SNRPE: variants seen among roughly 807,000 people sequenced by gnomAD.
The protein encoded by SNRPE is small nuclear ribonucleoprotein polypeptide E.
For synonymous variants in SNRPE, 35 were observed against 36.7 expected, an observed-to-expected ratio of 0.95 and a Z score of 0.17; for missense variants, 53 against 111.6, an observed-to-expected ratio of 0.48 and a Z score of 2.36.
In SNRPE at chr1:203,869,289, C is replaced by CTT. The variant is rs564988259; in HGVS notation, c.224-555_224-554dup. The stretch of plus-strand genomic sequence containing the variant: ...AGGTTTGTTTATTGTAGGATGGAGT[C>CTT]TTTTTTTTTTTTTTTTTTTTTTTTT... On this transcript the variant is annotated intron_variant, in intron 4 of 4. Transcript: ENST00000414487. 1.0e-3 allele frequency among the ~76,000 whole-genome samples: 67 copies of CTT among 66,812 alleles called. 2 individuals carry two copies. The highest frequency in any genetic ancestry group is 2.9e-3 in the African/African-American group (49 of 16,632). The allele number at this position is 66,812 out of a possible 152,430, so 43.8% of individuals were successfully genotyped here.
chr1:203,862,308 G>C, intron 2 of SNRPE, 86 bp downstream of exon 2: 2 of 937,104 alleles, frequency 2.1e-6, no homozygotes, highest in Non-Finnish European at 3.5e-6. Context: ...CGATCGCTGT[G>C]TTCTAGAATT....
intron 3 of SNRPE, among the ~76,000 whole-genome samples, chr1:203,864,525 T>C (rs1422644521): frequency 1.3e-5 from 2 of 151,712 alleles, no homozygotes; most frequent in Non-Finnish European, 2.9e-5. Flanking sequence ...AAGTGATTTT[T>C]CCACCTCAGC....
At chr1:203,863,433 TCAGCGTCCCGAGTAGCTGGGACTA>T (rs1239856655) in intron 2 of SNRPE, among the ~76,000 whole-genome samples, 1 of 152,120 alleles carries the variant, frequency 6.6e-6, no homozygotes, top group East Asian at 1.9e-4. Flanking sequence ...TTCTCCTGCT[TCAGCGTCCCGAGTAGCTGGGACTA>T]CAGGCGTGCG....
chr1:203,861,933 A>G (rs1490928056), intron 1 of SNRPE: 4 of 613,862 alleles, frequency 6.5e-6, no homozygotes, highest in East Asian at 2.7e-5. Context: ...TGGACGCGGC[A>G]AAAGGAGGGA....
rs375657691 is a variant in SNRPE at position 203,861,652 on chromosome 1, A to G, written c.-8A>G. Reference sequence around the variant, plus strand: ...AGCGTGCGGGTGTGCTCTTTGTGAAATTCCACCATGGCGTACCGTGGCCAG... The same window carrying G: ...AGCGTGCGGGTGTGCTCTTTGTGAAGTTCCACCATGGCGTACCGTGGCCAG... On this transcript the variant is annotated 5_prime_UTR_variant, in exon 1 of 5. Coordinates refer to ENST00000414487, the MANE Select transcript of SNRPE (RefSeq NM_003094.4). The G allele has an allele frequency of 1.9e-6, 3 of 1,611,866 alleles. No homozygotes were observed. The highest frequency in any genetic ancestry group is 2.7e-5 in the African/African-American group (2 of 74,860).
Position 203,869,289 on chromosome 1 carries a change from C to CTTTTTTTTTTTTTTT in SNRPE, c.224-568_224-554dup, listed in dbSNP as rs564988259. Among the ~76,000 whole-genome samples, 9 of 66,792 alleles carry CTTTTTTTTTTTTTTT rather than the reference C, an allele frequency of 1.3e-4. 1 individual carries two copies. Among genetic ancestry groups the CTTTTTTTTTTTTTTT allele is most frequent in the Admixed American group, 2.3e-4 (1 of 4,430 alleles). The allele number at this position is 66,792 out of a possible 152,430, so 43.8% of individuals were successfully genotyped here. On this transcript the variant is annotated intron_variant, in intron 4 of 4. Transcript: ENST00000414487. ...AGGTTTGTTTATTGTAGGATGGAGT[C>CTTTTTTTTTTTTTTT]TTTTTTTTTTTTTTTTTTTTTTTTT...
chr1:203,863,818 A>G (rs940469645), intron 3 of SNRPE, 93 bp downstream of exon 3: 1 of 868,414 alleles, frequency 1.2e-6, no homozygotes, highest in Non-Finnish European at 1.9e-6. Context: ...TAAAAAGTCA[A>G]AGATCCAACC....
intron 4 of SNRPE, among the ~76,000 whole-genome samples, chr1:203,869,416 C>T (rs974850610): frequency 1.3e-5 from 2 of 150,026 alleles, no homozygotes; most frequent in African/African-American, 2.4e-5. Flanking sequence ...AAGCAATTCT[C>T]CTGCCTCAGC....
chr1:203,861,811 C>T, intron 1 of SNRPE, 98 bp downstream of exon 1: 3 of 923,626 alleles, frequency 3.2e-6, no homozygotes, highest in East Asian at 4.8e-5. Flanking sequence ...GAGTACGGAT[C>T]CACATCCCAT....
chr1:203,864,208 CCT>C (rs1478945539), intron 3 of SNRPE, among the ~76,000 whole-genome samples: 2 of 152,114 alleles, frequency 1.3e-5, no homozygotes, highest in African/African-American at 4.8e-5. Context: ...CCCACCTCAG[CCT>C]CTCAAAGTCT....
intron 2 of SNRPE, 77 bp downstream of exon 2, chr1:203,862,299 G>T: frequency 6.0e-6 from 6 of 1,000,734 alleles, no homozygotes; most frequent in African/African-American, 1.6e-5. Context: ...TAACCTGAGC[G>T]ATCGCTGTGT....
At chr1:203,864,100 G>A (rs1283352115) in intron 3 of SNRPE, among the ~76,000 whole-genome samples, 1 of 151,906 alleles carries the variant, frequency 6.6e-6, no homozygotes, top group Non-Finnish European at 1.5e-5. Context: ...GATCAGAAGC[G>A]TGCACCATCA....
At position 203,870,639 on chromosome 1, in the gene SNRPE, G is replaced by T. The variant is rs1690196088; in HGVS notation, c.*707G>T. On this transcript the variant is annotated 3_prime_UTR_variant, in exon 5 of 5. Coordinates refer to ENST00000414487, the MANE Select transcript of SNRPE (RefSeq NM_003094.4). ...AATGGTATGTTGGAGAAATACACCT[G>T]TCTCTTATTCTTATCTCTTAAGAAT... 6.6e-6 allele frequency: 1 copy of T among 152,180 alleles called. No individual in the cohort carries two copies. The highest frequency in any genetic ancestry group is 2.4e-5 in the African/African-American group (1 of 41,454). The allele number at this position is 152,180 out of a possible 1,614,324, so 9.4% of individuals were successfully genotyped here. A position where few individuals can be genotyped will look rare whatever the true frequency, so the allele number is the denominator to read the frequency against.
rs1690022470 is a variant in SNRPE, at chr1:203,863,603, G to A, written c.82-60G>A. 8 of 1,228,508 alleles carry A rather than the reference G, an allele frequency of 6.5e-6. No homozygotes were observed. The Admixed American group carries it at 1.4e-4, about 21-fold the overall frequency. 76.1% of individuals were successfully genotyped at this position (1,228,508 alleles called of 1,614,324 possible). A position where few individuals can be genotyped will look rare whatever the true frequency, so the allele number is the denominator to read the frequency against. On this transcript the variant is annotated intron_variant, in intron 2 of 4. Transcript: ENST00000414487. ...GAAAGTGCTGGGATTACAGGCGTGAGCCACCGCGCCCGGCCCTATTTTTCT... is the reference window on the plus strand; with the variant it reads ...GAAAGTGCTGGGATTACAGGCGTGAACCACCGCGCCCGGCCCTATTTTTCT...
At chr1:203,867,739 T>G (rs934372078) in intron 4 of SNRPE, among the ~76,000 whole-genome samples, 1 of 152,148 alleles carries the variant, frequency 6.6e-6, no homozygotes, top group South Asian at 2.1e-4. Context: ...CGCCCACTGC[T>G]CACCTCTTGC....
chr1:203,865,587 A>G (rs6421775), intron 4 of SNRPE, among the ~76,000 whole-genome samples: 115,118 of 151,976 alleles, frequency 0.76, 43,713 homozygotes, highest in East Asian at 0.8. Flanking sequence ...ACATCAGCTC[A>G]GAGTCGTCAA....
At chr1:203,865,486 C>T (rs900550970) in intron 4 of SNRPE, among the ~76,000 whole-genome samples, 2 of 152,170 alleles carry the variant, frequency 1.3e-5, no homozygotes, top group Non-Finnish European at 1.5e-5. Flanking sequence ...TCTGTTTCCT[C>T]AGTTGACAAT....
rs200904781 is a variant in SNRPE at position 203,867,279 on chromosome 1, C to CA, written c.223+2177dup. ...TGGGCGACACAGCGAGACTCTGTCT[C>CA]AAAAAAAAAAAAAAAAACAGTGGTC... On this transcript the variant is annotated intron_variant, in intron 4 of 4. Transcript: ENST00000414487. Among the ~76,000 whole-genome samples, 794 of 142,638 alleles carry CA rather than the reference C, an allele frequency of 5.6e-3. 4 individuals carry two copies. Among genetic ancestry groups the CA allele is most frequent in the Non-Finnish European group, 8.6e-3 (562 of 65,434 alleles). The allele number at this position is 142,638 out of a possible 152,430, so 93.6% of individuals were successfully genotyped here.
chr1:203,861,859 G>A (rs1464233438), intron 1 of SNRPE, 146 bp downstream of exon 1: 2 of 715,230 alleles, frequency 2.8e-6, no homozygotes, highest in African/African-American at 1.7e-5. Context: ...GAAAGCGCGG[G>A]TAGTTGAACC....
Sources: gnomAD v4.1 joint callset for allele counts (sites outside exome capture counted in the v4.1 genomes callset) on GRCh38, gnomAD v4.1.1 for gene constraint, MANE v1.5 for transcripts, NCBI Gene and HGNC (gene_info 2026-07-23, HGNC 2026-07-21) for gene names.